HTT: variants seen among roughly 807,000 people sequenced by gnomAD.
HTT encodes huntington disease protein.
HTT carries 104 observed loss-of-function variants against 362.3 expected under a neutral mutation model. The observed-to-expected ratio is 0.29, with a 90% CI of 0.24 to 0.34. HTT has a LOEUF of 0.34. HTT is among the 10% of genes least tolerant of loss of function. The pLI is 1.00. For missense variants in HTT, 3,301 were observed against 3,928.6 expected, an observed-to-expected ratio of 0.84 and a Z score of 4.27; for synonymous variants, 1,577 against 1,548.7, an observed-to-expected ratio of 1.02 and a Z score of -0.43.
chr4:3,186,379 C>G (rs987849782), intron 37 of HTT, among the ~76,000 whole-genome samples: 11 of 152,030 alleles, frequency 7.2e-5, no homozygotes, highest in Non-Finnish European at 1.5e-4. Flanking sequence ...TAATAAAAAT[C>G]TAAATGACAA....
chr4:3,104,182 C>T (rs986954654), intron 4 of HTT, among the ~76,000 whole-genome samples: 1 of 152,040 alleles, frequency 6.6e-6, no homozygotes. Context: ...ACTGCAACCT[C>T]CGCCTCCCGG....
intron 35 of HTT, 50 bp downstream of exon 35, chr4:3,178,496 G>A: frequency 6.4e-7 from 1 of 1,574,230 alleles, no homozygotes; most frequent in Non-Finnish European, 8.7e-7. Context: ...GATGTGCTTG[G>A]CAGTGTTCGT....
intron 35 of HTT, among the ~76,000 whole-genome samples, chr4:3,179,339 T>C (rs1300840522): frequency 2.6e-5 from 4 of 152,186 alleles, no homozygotes; most frequent in Admixed American, 2.6e-4. Flanking sequence ...TTTCCTGGAC[T>C]TGGAGGGTCT....
intron 21 of HTT, among the ~76,000 whole-genome samples, chr4:3,137,773 C>T (rs1036344218): frequency 7.9e-5 from 12 of 152,166 alleles, no homozygotes; most frequent in Non-Finnish European, 1.5e-4. Flanking sequence ...TTGCATTTGG[C>T]TTCTTTTACT....
intron 45 of HTT, among the ~76,000 whole-genome samples, chr4:3,208,296 G>A (rs1304750565): frequency 2.0e-5 from 3 of 152,226 alleles, no homozygotes; most frequent in Admixed American, 1.3e-4. Context: ...CAGTCCAGAT[G>A]AGGGAGATTA....
At chr4:3,153,412 G>A (rs1007604470) in intron 26 of HTT, among the ~76,000 whole-genome samples, 2 of 152,186 alleles carry the variant, frequency 1.3e-5, no homozygotes, top group Non-Finnish European at 2.9e-5. Flanking sequence ...CCACATGTCA[G>A]TCATCTTGCC....
chr4:3,088,277 C>T (rs1190861887), intron 2 of HTT, among the ~76,000 whole-genome samples: 12 of 151,322 alleles, frequency 7.9e-5, no homozygotes, highest in African/African-American at 2.9e-4. Flanking sequence ...AGCTCTGCCT[C>T]CCAGGTTCAC....
chr4:3,236,864 C>G (rs574388575), intron 64 of HTT, among the ~76,000 whole-genome samples: 1 of 152,228 alleles, frequency 6.6e-6, no homozygotes, highest in South Asian at 2.1e-4. Flanking sequence ...ACAAGGGCCC[C>G]TGATTTGCTC....
rs1336921432 is a variant in HTT at position 3,240,320 on chromosome 4, G to A, written c.*261G>A. On this transcript the variant is annotated 3_prime_UTR_variant, in exon 67 of 67. Transcript: ENST00000355072. ...CAGGAGCAGCTGTGCTGCACCCCAT[G>A]TGGGTGACCAGGTCCTTTCTCCTGA... The A allele has an allele frequency of 1.5e-5, 8 of 539,416 alleles. No homozygotes were observed. The highest frequency in any genetic ancestry group is 2.7e-5 in the Non-Finnish European group (8 of 300,806). The allele number at this position is 539,416 out of a possible 1,614,324, so 33.4% of individuals were successfully genotyped here.
intron 36 of HTT, 172 bp downstream of exon 36, chr4:3,180,823 G>C (rs1206105161): frequency 2.4e-5 from 6 of 248,744 alleles, no homozygotes; most frequent in Admixed American, 5.6e-5. Context: ...GGCGGGGGGT[G>C]GGGGGGTGTG....
rs532354158 is a variant in HTT at position 3,115,196 on chromosome 4, A to G, written c.748-108A>G. 80 of 1,163,990 alleles carry G rather than the reference A, an allele frequency of 6.9e-5. No individual in the cohort carries two copies. In the African/African-American group the frequency reaches 1.2e-3, roughly 17 times the overall value. 72.1% of individuals were successfully genotyped at this position (1,163,990 alleles called of 1,614,324 possible). ...CTGTAGGAAAAGCCTCAAACTGTTT[A>G]TACTTTGCAAGAATTGGAAACTTCT... On this transcript the variant is annotated intron_variant, in intron 6 of 66. Transcript: ENST00000355072.
chr4:3,086,925 T>G lies in HTT; in HGVS notation c.264-14T>G. Reference sequence around the variant, plus strand: ...TTCAACACATATTAATTTCCTTCTTTTTTTTATTTTTAGAAAGAAAGAACT... The same window carrying G: ...TTCAACACATATTAATTTCCTTCTTGTTTTTATTTTTAGAAAGAAAGAACT... On this transcript the variant is annotated splice_polypyrimidine_tract_variant and intron_variant, in intron 1 of 66. Transcript: ENST00000355072. 2 of 1,499,446 alleles carry G rather than the reference T, an allele frequency of 1.3e-6. No individual in the cohort carries two copies. The highest frequency in any genetic ancestry group is 1.9e-6 in the Non-Finnish European group (2 of 1,077,606). 92.9% of individuals were successfully genotyped at this position (1,499,446 alleles called of 1,614,324 possible).
chr4:3,088,741 T>G (rs965252041), intron 2 of HTT, among the ~76,000 whole-genome samples: 2 of 151,564 alleles, frequency 1.3e-5, no homozygotes, highest in East Asian at 1.9e-4. Context: ...GGATTTGTGT[T>G]TTTTTTTTGG....
chr4:3,099,214 C>T, intron 2 of HTT, 60 bp from the exon 3 acceptor site: 1 of 1,170,668 alleles, frequency 8.5e-7, no homozygotes. Flanking sequence ...TACCTCATTA[C>T]ATTTCATTGT....
chr4:3,205,088 A>G (rs950050052), intron 42 of HTT, among the ~76,000 whole-genome samples: 23 of 152,184 alleles, frequency 1.5e-4, no homozygotes, highest in African/African-American at 5.3e-4. Context: ...AGAAAAAAAA[A>G]TAACTTGTGG....
chr4:3,195,218 G>C (rs1247922254), intron 40 of HTT, among the ~76,000 whole-genome samples: 2 of 152,008 alleles, frequency 1.3e-5, no homozygotes. Context: ...AGAGGTTTCT[G>C]CCCTAGGAGC....
intron 36 of HTT, 22 bp from the exon 37 acceptor site, chr4:3,182,332 C>G: frequency 6.6e-7 from 1 of 1,521,710 alleles, no homozygotes; most frequent in Non-Finnish European, 9.1e-7. Context: ...AGCAGACTTT[C>G]TAATTGTGCA....
rs754491197 is a variant in HTT, at chr4:3,105,369, C to T, written c.541C>T (p.Arg181Trp). Residue 181 changes from arginine (R) to tryptophan (W), a missense_variant, in exon 5 of 67, where the codon CGG (arginine) becomes TGG (tryptophan). Arg to Trp is a moderately radical substitution (Grantham distance 101). Transcript: ENST00000355072. ...YKEIKKNGAP[R>W]SLRAALWRFA... ...TGCACCCCCTCAGAATGGTGCCCCT[C>T]GGAGTTTGCGTGCTGCCCTGTGGAG... 6.2e-6 allele frequency: 10 copies of T among 1,613,578 alleles called. No individual in the cohort carries two copies. Among genetic ancestry groups the T allele is most frequent in the South Asian group, 1.1e-5 (1 of 91,072 alleles).
At chr4:3,214,270 G>A (rs1255441459) in intron 50 of HTT, 135 bp downstream of exon 50, 1 of 558,978 alleles carries the variant, frequency 1.8e-6, no homozygotes, top group Non-Finnish European at 2.8e-6. Context: ...ATATGCATCA[G>A]GAAGGGCTGG....
Sources: allele counts gnomAD v4.1 joint callset (sites outside exome capture counted in the v4.1 genomes callset), GRCh38; gene constraint gnomAD v4.1.1; transcripts MANE v1.5; gene names NCBI Gene and HGNC (gene_info 2026-07-23, HGNC 2026-07-21).